The following ESR1 variants were observed in gnomAD, a reference collection of about 807,000 sequenced individuals.
The protein encoded by ESR1 is estrogen receptor 1.
Under a neutral mutation model 52.7 loss-of-function variants are expected in ESR1, and 12 were observed. That is an observed-to-expected ratio of 0.23 (90% CI 0.15 to 0.37). The LOEUF (loss-of-function observed/expected upper bound fraction) is 0.37. Ranked by LOEUF, ESR1 falls within the 10% of genes least tolerant of loss-of-function variation. ESR1 has a pLI of 1.00. For missense variants in ESR1, 584 were observed against 779.7 expected, an observed-to-expected ratio of 0.75 and a Z score of 2.99; for synonymous variants, 305 against 316.8, an observed-to-expected ratio of 0.96 and a Z score of 0.39.
intron 1 of ESR1, among the ~76,000 whole-genome samples, chr6:151,811,960 G>A (rs1339104222): frequency 6.6e-6 from 1 of 152,070 alleles, no homozygotes; most frequent in Non-Finnish European, 1.5e-5. Flanking sequence ...ATTTAATTTG[G>A]ATCCCTGGCT....
At chr6:151,860,559 A>G (rs1788687861) in intron 2 of ESR1, among the ~76,000 whole-genome samples, 1 of 152,334 alleles carries the variant, frequency 6.6e-6, no homozygotes, top group Non-Finnish European at 1.5e-5. Flanking sequence ...ACACATGTAC[A>G]TATGTATATA....
intron 6 of ESR1, among the ~76,000 whole-genome samples, chr6:152,117,034 C>G (rs1429239500): frequency 6.6e-6 from 1 of 152,136 alleles, no homozygotes; most frequent in Admixed American, 6.5e-5. Flanking sequence ...AGCTTGGAAG[C>G]CCAGCCCTAG....
intron 2 of ESR1, among the ~76,000 whole-genome samples, chr6:151,779,741 A>C (rs949945203): frequency 6.6e-6 from 1 of 152,010 alleles, no homozygotes; most frequent in African/African-American, 2.4e-5. Context: ...TTATTGCAGC[A>C]CTATTCACAA....
At chr6:151,797,878 G>A (rs1027244863) in intron 2 of ESR1, among the ~76,000 whole-genome samples, 8 of 152,128 alleles carry the variant, frequency 5.3e-5, no homozygotes, top group Non-Finnish European at 1.0e-4. Flanking sequence ...AGTTCTCTAC[G>A]TAAGGATTTT....
At chr6:151,987,195 T>C (rs958758931) in intron 4 of ESR1, among the ~76,000 whole-genome samples, 1 of 152,040 alleles carries the variant, frequency 6.6e-6, no homozygotes, top group Non-Finnish European at 1.5e-5. Flanking sequence ...AGATGCTCCA[T>C]CTCCTCCTAC....
chr6:152,005,569 T>A (rs1371363032), intron 4 of ESR1, among the ~76,000 whole-genome samples: 1 of 152,026 alleles, frequency 6.6e-6, no homozygotes, highest in East Asian at 1.9e-4. Flanking sequence ...TTGCAGCCTG[T>A]TGGGATGAAG....
chr6:152,038,909 GA>G (rs1211363492), intron 5 of ESR1, among the ~76,000 whole-genome samples: 21 of 152,230 alleles, frequency 1.4e-4, no homozygotes, highest in African/African-American at 5.1e-4. Flanking sequence ...ATCCCAAAGT[GA>G]TCCACCCACC....
At chr6:152,059,256 A>G (rs572829186) in intron 5 of ESR1, among the ~76,000 whole-genome samples, 14 of 152,076 alleles carry the variant, frequency 9.2e-5, no homozygotes, top group Non-Finnish European at 2.1e-4. Context: ...GCATGGAAGT[A>G]TACTAGAAGG....
intron 2 of ESR1, among the ~76,000 whole-genome samples, chr6:151,792,409 T>C (rs962446639): frequency 6.6e-6 from 1 of 152,172 alleles, no homozygotes; most frequent in African/African-American, 2.4e-5. Context: ...AAGTGAACAT[T>C]AGCTTACTGT....
At chr6:152,057,007 C>T (rs973783245) in intron 5 of ESR1, among the ~76,000 whole-genome samples, 1 of 152,146 alleles carries the variant, frequency 6.6e-6, no homozygotes, top group African/African-American at 2.4e-5. Context: ...TCCATCCATA[C>T]CCACTGAAAT....
intron 6 of ESR1, among the ~76,000 whole-genome samples, chr6:152,112,213 A>G (rs1421181111): frequency 3.3e-5 from 5 of 152,238 alleles, no homozygotes; most frequent in Non-Finnish European, 7.3e-5. Flanking sequence ...CTGTCTATGG[A>G]AAAAGCAGCT....
Position 151,817,001 on chromosome 6 carries a change from T to TGAGGTAAGCAGCTTATGGAG in ESR1, c.452+8638_452+8657dup, listed in dbSNP as rs1361050980. Among the ~76,000 whole-genome samples the TGAGGTAAGCAGCTTATGGAG allele has an allele frequency of 2.0e-5, 3 of 152,308 alleles. No homozygotes were observed. In the East Asian group the frequency reaches 5.8e-4, roughly 29 times the overall value. On this transcript the variant is annotated intron_variant, in intron 1 of 7. Coordinates refer to ENST00000206249, the MANE Select transcript of ESR1 (RefSeq NM_000125.4). ...TCCCAGAGAGGGAATTAATTGAAGC[T>TGAGGTAAGCAGCTTATGGAG]GAGGTAAGCAGCTTATGGAGAAGCT...
At chr6:152,063,450 C>T (rs144775299) in intron 6 of ESR1, among the ~76,000 whole-genome samples, 22 of 152,234 alleles carry the variant, frequency 1.4e-4, no homozygotes, top group African/African-American at 5.1e-4. Context: ...TGAGCTGTGC[C>T]CCAGAAAAGC....
chr6:151,687,041 C>G (rs908176603), upstream of ESR1, among the ~76,000 whole-genome samples: 16 of 152,196 alleles, frequency 1.1e-4, no homozygotes, highest in Non-Finnish European at 2.4e-4. Context: ...CTGAGACATG[C>G]CCTTGTCCTT....
At chr6:151,782,217 G>A (rs764428130) in intron 2 of ESR1, among the ~76,000 whole-genome samples, 1 of 152,056 alleles carries the variant, frequency 6.6e-6, no homozygotes, top group South Asian at 2.1e-4. Context: ...ATGAAAAAAA[G>A]GAAGACATTT....
Position 151,837,121 on chromosome 6 carries a change from C to CTTTT in ESR1, c.453-5462_453-5459dup, listed in dbSNP as rs11372738. Among the ~76,000 whole-genome samples the CTTTT allele has an allele frequency of 6.8e-3, 914 of 134,416 alleles. 17 individuals carry two copies. Among genetic ancestry groups the CTTTT allele is most frequent in the African/African-American group, 0.024 (860 of 35,754 alleles). The allele number at this position is 134,416 out of a possible 152,430, so 88.2% of individuals were successfully genotyped here. On this transcript the variant is annotated intron_variant, in intron 1 of 7. Coordinates refer to ENST00000206249, the MANE Select transcript of ESR1 (RefSeq NM_000125.4). ...AATATGAATACCTTCAGACATCCCT[C>CTTTT]TTTTTTTTTTTTTTTTTCACCCAGG...
chr6:151,919,134 T>C (rs1411919591), intron 3 of ESR1, among the ~76,000 whole-genome samples: 2 of 152,156 alleles, frequency 1.3e-5, no homozygotes, highest in African/African-American at 4.8e-5. Flanking sequence ...ACATACCTGT[T>C]GAAGTGTAAC....
intron 4 of ESR1, among the ~76,000 whole-genome samples, chr6:152,002,650 T>C (rs371073923): frequency 2.3e-4 from 35 of 152,182 alleles, no homozygotes; most frequent in African/African-American, 7.9e-4. Flanking sequence ...ATTAATTTTT[T>C]CCCTTCTTTA....
chr6:152,036,390 A>C (rs897564995), intron 5 of ESR1, among the ~76,000 whole-genome samples: 1 of 152,188 alleles, frequency 6.6e-6, no homozygotes, highest in African/African-American at 2.4e-5. Flanking sequence ...AAATCAAAAC[A>C]AAAAACAAAA....
Sources: gnomAD v4.1 joint callset for allele counts (sites outside exome capture counted in the v4.1 genomes callset) on GRCh38, gnomAD v4.1.1 for gene constraint, MANE v1.5 for transcripts, NCBI Gene and HGNC (gene_info 2026-07-23, HGNC 2026-07-21) for gene names.